MTHFD1L: variants seen among roughly 807,000 people sequenced by gnomAD.
MTHFD1L encodes the protein methylenetetrahydrofolate dehydrogenase (NADP+ dependent) 1 like, also known as monofunctional C1-tetrahydrofolate synthase, mitochondrial.
In MTHFD1L, 81 loss-of-function variants were observed where a neutral mutation model predicts 119.5. That is an observed-to-expected ratio of 0.68 (90% confidence interval 0.57 to 0.82). The LOEUF (loss-of-function observed/expected upper bound fraction) is 0.82. MTHFD1L is among the 40% of genes least tolerant of loss of function. The pLI, the probability that MTHFD1L is intolerant of heterozygous loss-of-function variation, is 0.00. For missense variants in MTHFD1L, 1,125 were observed against 1,253.4 expected (o/e 0.90, Z 1.55); for synonymous variants, 430 against 475.2 (o/e 0.90, Z 1.24).
intron 26 of MTHFD1L, among the ~76,000 whole-genome samples, chr6:151,045,464 C>T (rs1350164391): frequency 2.6e-5 from 4 of 152,194 alleles, no homozygotes; most frequent in Non-Finnish European, 4.4e-5. Flanking sequence ...ACAAAGAAAC[C>T]TTGAGCTTAT....
chr6:150,889,405 A>T (rs1290590581), intron 7 of MTHFD1L, among the ~76,000 whole-genome samples: 1 of 152,236 alleles, frequency 6.6e-6, no homozygotes, highest in Non-Finnish European at 1.5e-5. Context: ...AAAAGCACAG[A>T]TTGCTAAAGA....
intron 20 of MTHFD1L, among the ~76,000 whole-genome samples, chr6:150,999,952 T>A (rs75766200): frequency 0.032 from 4,834 of 152,310 alleles, 122 homozygotes; most frequent in African/African-American, 0.068. Flanking sequence ...AACTTCCTCA[T>A]GTTCTGTGCA....
At chr6:151,054,990 G>C (rs1319297777) in intron 26 of MTHFD1L, 2 of 152,206 alleles carry the variant, frequency 1.3e-5, no homozygotes, top group African/African-American at 4.8e-5. Flanking sequence ...ATTCAGCCGA[G>C]CCTGGTGGGT....
At chr6:151,059,246 T>G (rs1325661650) in intron 26 of MTHFD1L, among the ~76,000 whole-genome samples, 3 of 152,156 alleles carry the variant, frequency 2.0e-5, no homozygotes, top group African/African-American at 7.2e-5. Context: ...AGTCTCACTC[T>G]TTTCCCCAGG....
intron 26 of MTHFD1L, among the ~76,000 whole-genome samples, chr6:151,072,984 C>T (rs1262439195): frequency 7.3e-6 from 1 of 136,986 alleles, no homozygotes; most frequent in East Asian, 2.0e-4. Flanking sequence ...CATTGGACAC[C>T]AGGCAGCAAA....
intron 18 of MTHFD1L, among the ~76,000 whole-genome samples, chr6:150,964,242 T>A (rs150126384): frequency 1.7e-4 from 26 of 152,366 alleles, no homozygotes; most frequent in African/African-American, 6.3e-4. Context: ...GCACATGTTT[T>A]CCGCTAGTTC....
At chr6:151,091,569 T>C (rs1584453103) in intron 26 of MTHFD1L, among the ~76,000 whole-genome samples, 1 of 152,232 alleles carries the variant, frequency 6.6e-6, no homozygotes, top group Non-Finnish European at 1.5e-5. Flanking sequence ...TAACTAGCCA[T>C]GTGTCCTTGA....
chr6:150,940,608 T>C (rs9383548), intron 13 of MTHFD1L, among the ~76,000 whole-genome samples: 31,448 of 151,766 alleles, frequency 0.21, 3,498 homozygotes, highest in African/African-American at 0.25. Context: ...TGAGATGGAG[T>C]CTCGCTCTGT....
chr6:151,053,614 C>T (rs1016344939), intron 26 of MTHFD1L, among the ~76,000 whole-genome samples: 2 of 152,250 alleles, frequency 1.3e-5, no homozygotes, highest in South Asian at 2.1e-4. Flanking sequence ...AATCTCAGCA[C>T]TTTGGGAGGC....
chr6:151,072,632 T>C (rs578173938), intron 26 of MTHFD1L, among the ~76,000 whole-genome samples: 1 of 151,976 alleles, frequency 6.6e-6, no homozygotes, highest in Non-Finnish European at 1.5e-5. Flanking sequence ...CTACCAAAAA[T>C]ACAAAAATTA....
intron 13 of MTHFD1L, among the ~76,000 whole-genome samples, chr6:150,942,535 T>A (rs1416726580): frequency 6.6e-6 from 1 of 152,156 alleles, no homozygotes; most frequent in East Asian, 1.9e-4. Context: ...GGAATATAGA[T>A]CATTTTAAAT....
chr6:150,923,926 A>AT lies in MTHFD1L; in HGVS notation c.1082+1624_1082+1625insT, dbSNP rs1789495463. Among the ~76,000 whole-genome samples, 7 of 152,316 alleles carry AT rather than the reference A, an allele frequency of 4.6e-5. 1 individual carries two copies. The South Asian group carries it at 1.2e-3, about 27-fold the overall frequency. On this transcript the variant is annotated intron_variant, in intron 10 of 27. Coordinates refer to ENST00000367321, the MANE Select transcript of MTHFD1L (RefSeq NM_015440.5). ...TCTGTTTCATAAAATATCTTATTTT[A>AT]GAGTTATTTTTGTTGTTATAAGACC...
chr6:150,945,380 C>A, intron 14 of MTHFD1L, 87 bp from the exon 15 acceptor site: 2 of 1,025,044 alleles, frequency 2.0e-6, no homozygotes, highest in Non-Finnish European at 3.0e-6. Flanking sequence ...GTTATAAATG[C>A]AATGAATTTT....
At chr6:151,078,052 C>CAAAA (rs71014538) in intron 26 of MTHFD1L, among the ~76,000 whole-genome samples, 670 of 59,828 alleles carry the variant, frequency 0.011, 63 homozygotes, top group African/African-American at 0.023. Flanking sequence ...GACTCTGTCT[C>CAAAA]AAAAAAAAAA....
intron 24 of MTHFD1L, among the ~76,000 whole-genome samples, chr6:151,026,853 A>G (rs558215772): frequency 3.1e-3 from 209 of 66,972 alleles, no homozygotes; most frequent in African/African-American, 0.012. Context: ...TTTTTGAGGC[A>G]GAGTCTTGCT....
chr6:151,099,816 C>T (rs541736605), intron 27 of MTHFD1L: 36 of 1,603,370 alleles, frequency 2.2e-5, no homozygotes, highest in East Asian at 1.1e-4. Flanking sequence ...GTACTTGTGC[C>T]GAGATCGCTC....
At chr6:150,888,881 T>A (rs1302305586) in intron 7 of MTHFD1L, among the ~76,000 whole-genome samples, 1 of 152,064 alleles carries the variant, frequency 6.6e-6, no homozygotes, top group Non-Finnish European at 1.5e-5. Flanking sequence ...GGGGAAAAGA[T>A]TAACTATTAA....
chr6:150,952,654 C>T (rs1475158964), intron 16 of MTHFD1L, among the ~76,000 whole-genome samples: 8 of 152,222 alleles, frequency 5.3e-5, no homozygotes, highest in African/African-American at 1.4e-4. Flanking sequence ...CTCAGCCTCC[C>T]GAGTAGCTGG....
At chr6:150,878,023 T>C (rs3860807) in intron 4 of MTHFD1L, among the ~76,000 whole-genome samples, 197 bp downstream of exon 4, 83,742 of 152,004 alleles carry the variant, frequency 0.55, 24,233 homozygotes, top group African/African-American at 0.74. Flanking sequence ...ATGTTTCTAC[T>C]GAAGACTTGA....
Sources: allele counts gnomAD v4.1 joint callset (sites outside exome capture counted in the v4.1 genomes callset), GRCh38; gene constraint gnomAD v4.1.1; transcripts MANE v1.5; gene names NCBI Gene and HGNC (gene_info 2026-07-23, HGNC 2026-07-21).